Variants in MRNIP observed in about 807,000 individuals in gnomAD.
MRNIP encodes the protein MRN complex-interacting protein.
MRNIP carries 30 observed loss-of-function variants against 29.8 expected under a neutral mutation model. The ratio of observed to expected loss-of-function variants is 1.01; its 90% CI spans 0.75 to 1.36. The LOEUF (loss-of-function observed/expected upper bound fraction) is 1.36. MRNIP is among the 40% of genes most tolerant of loss of function. MRNIP has a pLI of 0.00. For missense variants in MRNIP, 459 were observed against 423.5 expected (o/e 1.08, Z -0.74); for synonymous variants, 201 against 164.1 (o/e 1.23, Z -1.72).
At chr5:179,854,003 T>TG (rs1759483875) in intron 1 of MRNIP, among the ~76,000 whole-genome samples, 1 of 139,114 alleles carries the variant, frequency 7.2e-6, no homozygotes. Context: ...TGAGCCACCA[T>TG]GCCTGGCCTG....
At chr5:179,851,450 G>A (rs1392864161) in intron 2 of MRNIP, 2 of 455,954 alleles carry the variant, frequency 4.4e-6, no homozygotes, top group Admixed American at 4.7e-5. Flanking sequence ...AAGGGAAGGA[G>A]AGGAGAAAAT....
chr5:179,838,170 T>C (rs926203624), intron 6 of MRNIP: 6 of 484,100 alleles, frequency 1.2e-5, no homozygotes, highest in African/African-American at 1.2e-4. Context: ...AGAATCAGGT[T>C]ACCGGTGCCT....
chr5:179,841,066 C>A, intron 5 of MRNIP, 107 bp from the exon 6 acceptor site: 1 of 719,888 alleles, frequency 1.4e-6, no homozygotes, highest in Non-Finnish European at 2.3e-6. Flanking sequence ...CTGCTTGTTC[C>A]TACGGCTTCC....
chr5:179,840,784 C>G (rs1000629936), intron 6 of MRNIP, 88 bp downstream of exon 6: 2 of 1,025,096 alleles, frequency 2.0e-6, no homozygotes, highest in African/African-American at 3.2e-5. Context: ...GTAGGAATCG[C>G]ACACTTCGTC....
chr5:179,858,273 G>A (rs1490362546), intron 1 of MRNIP, among the ~76,000 whole-genome samples: 1 of 152,108 alleles, frequency 6.6e-6, no homozygotes, highest in African/African-American at 2.4e-5. Context: ...TTTATGCGTC[G>A]GCGAACAGCC....
At chr5:179,849,825 G>T (rs1345518902) in intron 2 of MRNIP, among the ~76,000 whole-genome samples, 1 of 151,918 alleles carries the variant, frequency 6.6e-6, no homozygotes, top group Non-Finnish European at 1.5e-5. Flanking sequence ...CATGGGTCGT[G>T]CTATGGCACA....
rs1758653650 is a variant in MRNIP at position 179,837,599 on chromosome 5, CCTT to C, written c.821_823del (p.Glu274del). On this transcript the variant is annotated inframe_deletion, in exon 7 of 7. Coordinates refer to ENST00000292586, the MANE Select transcript of MRNIP (RefSeq NM_016175.4). Reference sequence around the variant, plus strand: ...GACAGCGGCAGTGGGCCTGCTGAGGCCTTCTCTTGAGGCCTGTGCTCTGGGGGT... The same window carrying C: ...GACAGCGGCAGTGGGCCTGCTGAGGCCTCTTGAGGCCTGTGCTCTGGGGGT... 1 of 1,614,054 alleles carries C rather than the reference CCTT, an allele frequency of 6.2e-7. No homozygotes were observed. Among genetic ancestry groups the C allele is most frequent in the Non-Finnish European group, 8.5e-7 (1 of 1,180,010 alleles).
At position 179,853,413 on chromosome 5, in the gene MRNIP, A is replaced by T. The variant is rs779074536; in HGVS notation, c.91T>A (p.Cys31Ser). The change falls in exon 2 of 7, where the codon TGC (cysteine) becomes AGC (serine). Residue 31 changes from cysteine to serine, a missense_variant. Cys to Ser is a moderately radical substitution (Grantham distance 112). Coordinates refer to ENST00000292586, the MANE Select transcript of MRNIP (RefSeq NM_016175.4). The stretch of plus-strand genomic sequence containing the variant: ...GACTGCTTCTCTCCACAAGCTTTGC[A>T]TGTCCACTTGACACTCTTTTTTACC... Reference protein sequence around the residue: ...HQVKKSVKWTCKACGEKQSFL... With the variant: ...HQVKKSVKWTSKACGEKQSFL... The T allele has an allele frequency of 2.5e-5, 41 of 1,612,798 alleles. No homozygotes were observed. Among genetic ancestry groups the T allele is most frequent in the Non-Finnish European group, 3.3e-5 (39 of 1,179,650 alleles).
At chr5:179,843,055 A>AAGGAAGGGAGGG (rs1485747776) in intron 4 of MRNIP, among the ~76,000 whole-genome samples, 7 of 121,594 alleles carry the variant, frequency 5.8e-5, no homozygotes, top group African/African-American at 8.5e-5. Flanking sequence ...GGAAGGAAGG[A>AAGGAAGGGAGGG]AGGAAGGGAG....
intron 4 of MRNIP, among the ~76,000 whole-genome samples, chr5:179,843,166 G>A (rs1265740100): frequency 1.3e-5 from 2 of 151,916 alleles, no homozygotes; most frequent in Non-Finnish European, 2.9e-5. Context: ...ACTACATTCT[G>A]TAAATACTTT....
intron 6 of MRNIP, 140 bp downstream of exon 6, chr5:179,840,732 G>GA: frequency 1.4e-6 from 1 of 692,912 alleles, no homozygotes; most frequent in Admixed American, 2.2e-5. Flanking sequence ...GCTTCAGACA[G>GA]AAAAGACAAG....
chr5:179,849,578 A>G (rs536348545), intron 2 of MRNIP, among the ~76,000 whole-genome samples: 4 of 150,818 alleles, frequency 2.7e-5, no homozygotes, highest in African/African-American at 9.8e-5. Context: ...GGGTCCTGCT[A>G]TGGCACAGGC....
chr5:179,848,624 G>C (rs1759225819), intron 2 of MRNIP, among the ~76,000 whole-genome samples: 1 of 152,156 alleles, frequency 6.6e-6, no homozygotes, highest in African/African-American at 2.4e-5. Context: ...AGAAGAGACA[G>C]GAAAGAAACA....
chr5:179,840,886 AG>A lies in MRNIP; in HGVS notation c.522del (p.Trp175GlyfsTer10), dbSNP rs761866069. ...GVQDSGGSEV[A>X]WGPQKGQAGL... ...TTGTCACTGACCTTCTGGGGTCCCC[AG>A]GCGACCTCAGAGCCACCCGAGTCCT... On this transcript the variant is annotated frameshift_variant, in exon 6 of 7. Coordinates refer to ENST00000292586, the MANE Select transcript of MRNIP (RefSeq NM_016175.4). LOFTEE classifies it low-confidence loss of function (END_TRUNC). 32 of 1,610,210 alleles carry A rather than the reference AG, an allele frequency of 2.0e-5. No individual in the cohort carries two copies. In the Admixed American group the frequency reaches 5.4e-4, roughly 27 times the overall value.
intron 2 of MRNIP, among the ~76,000 whole-genome samples, chr5:179,852,525 G>A (rs1479338012): frequency 2.0e-5 from 3 of 152,124 alleles, no homozygotes. Flanking sequence ...CAAATAAAAA[G>A]CCTCTGTTCT....
Position 179,838,255 on chromosome 5 carries a change from C to G in MRNIP, c.538-370G>C, listed in dbSNP as rs529500215. The stretch of plus-strand genomic sequence containing the variant: ...GCTGGCTCCATTCTGCTACCTCCCA[C>G]CGGGGGGCAGCTCTCCAGAGCCTGC... On this transcript the variant is annotated intron_variant, in intron 6 of 6. Coordinates refer to ENST00000292586, the MANE Select transcript of MRNIP (RefSeq NM_016175.4). 3 of 281,494 alleles carry G rather than the reference C, an allele frequency of 1.1e-5. No homozygotes were observed. In the South Asian group the frequency reaches 1.4e-4, roughly 13 times the overall value. The allele number at this position is 281,494 out of a possible 1,614,324, so 17.4% of individuals were successfully genotyped here.
At chr5:179,843,128 A>G (rs1373352162) in intron 4 of MRNIP, among the ~76,000 whole-genome samples, 1 of 152,004 alleles carries the variant, frequency 6.6e-6, no homozygotes, top group African/African-American at 2.4e-5. Context: ...TAAATGCCAC[A>G]TAATAAGGAA....
intron 3 of MRNIP, among the ~76,000 whole-genome samples, chr5:179,844,538 T>C (rs1019087051): frequency 2.0e-5 from 3 of 152,130 alleles, no homozygotes; most frequent in African/African-American, 7.2e-5. Context: ...TCCTCCCACC[T>C]CAGCCTCCTG....
chr5:179,853,795 A>G (rs1464598060), intron 1 of MRNIP, among the ~76,000 whole-genome samples: 1 of 151,770 alleles, frequency 6.6e-6, no homozygotes, highest in African/African-American at 2.4e-5. Context: ...AACAAACAAA[A>G]AACAAATGGA....
Sources: allele counts gnomAD v4.1 joint callset (sites outside exome capture counted in the v4.1 genomes callset), GRCh38; gene constraint gnomAD v4.1.1; transcripts MANE v1.5; gene names NCBI Gene and HGNC (gene_info 2026-07-23, HGNC 2026-07-21).